The following FBN2 variants were observed in gnomAD, a reference collection of about 807,000 sequenced individuals.
The protein encoded by FBN2 is fibrillin 2.
FBN2 carries 105 observed loss-of-function variants against 355.6 expected under a neutral mutation model. The observed-to-expected ratio is 0.30, with a 90% confidence interval of 0.25 to 0.35. The LOEUF (loss-of-function observed/expected upper bound fraction) is 0.35, where lower values mean the gene tolerates loss of function less well. Ranked by LOEUF, FBN2 falls within the 10% of genes least tolerant of loss-of-function variation. The pLI is 1.00. For synonymous variants in FBN2, 1,350 were observed against 1,301.2 expected, an observed-to-expected ratio of 1.04 and a Z score of -0.81; for missense variants, 3,280 against 3,758.7, an observed-to-expected ratio of 0.87 and a Z score of 3.33.
intron 41 of FBN2, among the ~76,000 whole-genome samples, chr5:128,308,044 G>A (rs1322065987): frequency 6.6e-6 from 1 of 152,052 alleles, no homozygotes; most frequent in Non-Finnish European, 1.5e-5. Context: ...TAATTTATAT[G>A]TATAATCTCC....
At chr5:128,330,018 A>G (rs1227795469) in intron 33 of FBN2, among the ~76,000 whole-genome samples, 1 of 152,186 alleles carries the variant, frequency 6.6e-6, no homozygotes, top group Non-Finnish European at 1.5e-5. Context: ...ATTCCATTTA[A>G]TCCTTTCAAT....
intron 27 of FBN2, among the ~76,000 whole-genome samples, chr5:128,336,928 T>C (rs2126900127): frequency 6.6e-6 from 1 of 152,312 alleles, no homozygotes; most frequent in South Asian, 2.1e-4. Context: ...AAGAAGATTA[T>C]ATGGCATGGG....
chr5:128,507,947 T>C (rs1216024262), intron 5 of FBN2, among the ~76,000 whole-genome samples: 3 of 152,062 alleles, frequency 2.0e-5, no homozygotes, highest in Non-Finnish European at 4.4e-5. Context: ...TTTGAAGCTA[T>C]GCTATTAAGT....
Position 128,280,130 on chromosome 5 carries a change from G to A in FBN2, c.7138+62C>T, listed in dbSNP as rs1765495888. 5.7e-6 allele frequency: 8 copies of A among 1,394,674 alleles called. No homozygotes were observed. In the Admixed American group the frequency reaches 1.0e-4, roughly 18 times the overall value. 86.4% of individuals were successfully genotyped at this position (1,394,674 alleles called of 1,614,324 possible). A position where few individuals can be genotyped will look rare whatever the true frequency, so the allele number is the denominator to read the frequency against. ...AAGAATATATATGTGGAGCTCTTCT[G>A]TGATGACATCATGAACAGATGTTTT... On this transcript the variant is annotated intron_variant, in intron 56 of 64. Coordinates refer to ENST00000262464, the MANE Select transcript of FBN2 (RefSeq NM_001999.4).
At chr5:128,266,128 T>C (rs540148210) in intron 62 of FBN2, among the ~76,000 whole-genome samples, 1 of 152,314 alleles carries the variant, frequency 6.6e-6, no homozygotes, top group South Asian at 2.1e-4. Context: ...TGCCATATGT[T>C]TGAGTTAAAA....
Position 128,397,585 on chromosome 5 carries a change from A to G in FBN2, c.1079-2311T>C, listed in dbSNP as rs1228591032. Among the ~76,000 whole-genome samples the G allele has an allele frequency of 5.3e-5, 8 of 152,310 alleles. No individual in the cohort carries two copies. The East Asian group carries it at 1.2e-3, about 22-fold the overall frequency. On this transcript the variant is annotated intron_variant, in intron 8 of 64. Transcript: ENST00000262464. ...GTGGGAGAATGAAATAAAACAACAT[A>G]TGCTCTATTTCTTGCAGCTTTCATG...
chr5:128,492,109 T>C (rs1755521918), intron 5 of FBN2, among the ~76,000 whole-genome samples: 1 of 152,210 alleles, frequency 6.6e-6, no homozygotes, highest in South Asian at 2.1e-4. Flanking sequence ...AGTGCCTTTC[T>C]GAGGGTGCTT....
intron 25 of FBN2, 61 bp from the exon 26 acceptor site, chr5:128,339,122 C>T (rs990605408): frequency 3.5e-5 from 55 of 1,566,564 alleles, no homozygotes; most frequent in African/African-American, 1.2e-4. Context: ...GCCTTCCAAG[C>T]GAAGGTGCTG....
At chr5:128,512,716 A>T (rs372284344) in intron 5 of FBN2, among the ~76,000 whole-genome samples, 5 of 152,066 alleles carry the variant, frequency 3.3e-5, no homozygotes, top group African/African-American at 1.2e-4. Flanking sequence ...AACATCATCA[A>T]GCCTTATTTG....
chr5:128,289,706 G>T (rs376884615), intron 51 of FBN2, among the ~76,000 whole-genome samples, 176 bp downstream of exon 51: 1 of 151,894 alleles, frequency 6.6e-6, no homozygotes, highest in East Asian at 1.9e-4. Flanking sequence ...CATATATCAC[G>T]ATATAATCTT....
rs566899268 is a variant in FBN2, at chr5:128,308,053, C to T, written c.5354-850G>A. 1.7e-4 allele frequency among the ~76,000 whole-genome samples: 26 copies of T among 152,164 alleles called. No individual in the cohort carries two copies. The South Asian group carries it at 5.0e-3, about 29-fold the overall frequency. On this transcript the variant is annotated intron_variant, in intron 41 of 64. Coordinates refer to ENST00000262464, the MANE Select transcript of FBN2 (RefSeq NM_001999.4). ...AAATTATAATTTATATGTATAATCTCCCTAATTGTCATTGCACCCATATGA... is the reference window on the plus strand; with the variant it reads ...AAATTATAATTTATATGTATAATCTTCCTAATTGTCATTGCACCCATATGA...
At chr5:128,269,939 A>AAAC (rs1386093599) in intron 62 of FBN2, among the ~76,000 whole-genome samples, 1 of 152,228 alleles carries the variant, frequency 6.6e-6, no homozygotes, top group Non-Finnish European at 1.5e-5. Flanking sequence ...ACCTGTCTTC[A>AAAC]AAGTATACAA....
chr5:128,265,899 T>C (rs896571738), intron 62 of FBN2, among the ~76,000 whole-genome samples: 5 of 152,210 alleles, frequency 3.3e-5, no homozygotes, highest in Non-Finnish European at 7.4e-5. Context: ...GTCTGATGCA[T>C]TGACTAACAG....
chr5:128,280,011 AAC>A (rs1331304495), intron 56 of FBN2, among the ~76,000 whole-genome samples, 179 bp downstream of exon 56: 1 of 152,240 alleles, frequency 6.6e-6, no homozygotes, highest in African/African-American at 2.4e-5. Flanking sequence ...ATGTGCATAT[AAC>A]ACACACATGT....
intron 61 of FBN2, among the ~76,000 whole-genome samples, chr5:128,272,770 A>G (rs1367784221): frequency 6.6e-6 from 1 of 152,082 alleles, no homozygotes; most frequent in East Asian, 1.9e-4. Context: ...ATCCATAAAG[A>G]GTAAAATAAA....
intron 19 of FBN2, 35 bp from the exon 20 acceptor site, chr5:128,357,430 G>A: frequency 6.2e-7 from 1 of 1,612,870 alleles, no homozygotes; most frequent in Non-Finnish European, 8.5e-7. Context: ...TGTTAGAACT[G>A]CCATGTGTTT....
intron 8 of FBN2, among the ~76,000 whole-genome samples, chr5:128,399,566 G>C (rs981431377): frequency 4.6e-5 from 7 of 152,082 alleles, no homozygotes; most frequent in African/African-American, 1.7e-4. Flanking sequence ...AGGAAGAAAT[G>C]ATGAGCAAAA....
intron 5 of FBN2, among the ~76,000 whole-genome samples, chr5:128,484,334 T>G (rs1453979199): frequency 6.6e-6 from 1 of 152,202 alleles, no homozygotes; most frequent in Non-Finnish European, 1.5e-5. Context: ...ATGTTTTGTA[T>G]AAGAAAATCA....
chr5:128,531,235 A>C (rs1264660493), intron 2 of FBN2, among the ~76,000 whole-genome samples: 1 of 152,192 alleles, frequency 6.6e-6, no homozygotes, highest in African/African-American at 2.4e-5. Context: ...GGCCATAAAA[A>C]TGAATGAATT....
Sources: gnomAD v4.1 joint callset for allele counts (sites outside exome capture counted in the v4.1 genomes callset) on GRCh38, gnomAD v4.1.1 for gene constraint, MANE v1.5 for transcripts, NCBI Gene and HGNC (gene_info 2026-07-23, HGNC 2026-07-21) for gene names.